The following NAALADL2 variants were observed in gnomAD, a reference collection of about 807,000 sequenced individuals.
NAALADL2 encodes inactive N-acetylated-alpha-linked acidic dipeptidase-like protein 2.
In NAALADL2, 76 loss-of-function variants were observed where a neutral mutation model predicts 87.2. The ratio of observed to expected loss-of-function variants is 0.87; its 90% CI spans 0.72 to 1.05. The LOEUF is 1.05. Ranked by LOEUF, NAALADL2 falls within the 50% of genes least tolerant of loss-of-function variation. NAALADL2 has a pLI of 0.00. For synonymous variants in NAALADL2, 354 were observed against 331.0 expected (o/e 1.07, Z -0.75); for missense variants, 1,089 against 945.8 (o/e 1.15, Z -1.99).
intron 2 of NAALADL2, among the ~76,000 whole-genome samples, chr3:174,570,311 A>G (rs543074052): frequency 6.6e-6 from 1 of 152,162 alleles, no homozygotes; most frequent in South Asian, 2.1e-4. Flanking sequence ...AAATTTAAAC[A>G]TATATTTTCT....
intron 9 of NAALADL2, among the ~76,000 whole-genome samples, chr3:175,513,415 G>A (rs927183756): frequency 1.3e-5 from 2 of 152,242 alleles, no homozygotes; most frequent in African/African-American, 4.8e-5. Flanking sequence ...CTGCAGAGCA[G>A]CATAAAAGAA....
chr3:175,283,671 C>A lies in NAALADL2; in HGVS notation c.939+27141C>A, dbSNP rs184999308. Among the ~76,000 whole-genome samples, 7 of 152,182 alleles carry A rather than the reference C, an allele frequency of 4.6e-5. No homozygotes were observed. The East Asian group carries it at 9.6e-4, about 21-fold the overall frequency. Reference sequence around the variant, plus strand: ...TACAACAAAGCAGAAATAACAGTAGCTTTTCTTATGTGCTCAAGGGATGAG... The same window carrying A: ...TACAACAAAGCAGAAATAACAGTAGATTTTCTTATGTGCTCAAGGGATGAG... On this transcript the variant is annotated intron_variant, in intron 4 of 13. Coordinates refer to ENST00000454872, the MANE Select transcript of NAALADL2 (RefSeq NM_207015.3).
intron 10 of NAALADL2, among the ~76,000 whole-genome samples, chr3:175,590,802 A>T (rs1721334490): frequency 6.6e-6 from 1 of 152,206 alleles, no homozygotes; most frequent in Non-Finnish European, 1.5e-5. Flanking sequence ...TACAATGAAA[A>T]CAATTGGAGT....
intron 5 of NAALADL2, among the ~76,000 whole-genome samples, chr3:175,372,527 C>T (rs532495787): frequency 2.0e-5 from 3 of 152,276 alleles, no homozygotes; most frequent in Admixed American, 2.0e-4. Flanking sequence ...CTGATAAAGG[C>T]TGAAGCTATA....
intron 5 of NAALADL2, among the ~76,000 whole-genome samples, chr3:175,382,131 T>C (rs1344735264): frequency 6.6e-6 from 1 of 152,170 alleles, no homozygotes; most frequent in East Asian, 1.9e-4. Context: ...TTTTTTCACC[T>C]TCCAGGATAA....
At chr3:174,522,958 GAAAA>G (rs1268616563) in intron 1 of NAALADL2, among the ~76,000 whole-genome samples, 1 of 111,448 alleles carries the variant, frequency 9.0e-6, no homozygotes, top group Non-Finnish European at 1.9e-5. Context: ...AAAAAAAAAA[GAAAA>G]AAAACAACAA....
chr3:175,788,233 C>T (rs899489632), intron 13 of NAALADL2, among the ~76,000 whole-genome samples: 2 of 151,680 alleles, frequency 1.3e-5, no homozygotes, highest in African/African-American at 4.8e-5. Context: ...GCTGGGACTA[C>T]AGGTGTGTGC....
chr3:175,490,235 A>T (rs1406968012), intron 9 of NAALADL2, among the ~76,000 whole-genome samples: 2 of 151,366 alleles, frequency 1.3e-5, no homozygotes, highest in Non-Finnish European at 2.9e-5. Flanking sequence ...AGAGACAGAG[A>T]GGTATTAAGT....
intron 4 of NAALADL2, among the ~76,000 whole-genome samples, chr3:175,268,784 A>T (rs999788647): frequency 1.3e-5 from 2 of 152,114 alleles, no homozygotes; most frequent in South Asian, 4.1e-4. Flanking sequence ...CAGGGTCTGG[A>T]TCAGTATCAC....
chr3:174,698,084 C>T (rs181426406), intron 2 of NAALADL2, among the ~76,000 whole-genome samples: 7 of 151,630 alleles, frequency 4.6e-5, no homozygotes, highest in Admixed American at 2.0e-4. Flanking sequence ...AGCAAGACTC[C>T]GTCTCAAAAA....
At chr3:174,684,500 A>G (rs893972148) in intron 2 of NAALADL2, among the ~76,000 whole-genome samples, 4 of 152,146 alleles carry the variant, frequency 2.6e-5, no homozygotes, top group African/African-American at 7.2e-5. Flanking sequence ...CAGAAGGAAT[A>G]TAATTGACTT....
chr3:175,606,572 T>G (rs544795007), intron 10 of NAALADL2, among the ~76,000 whole-genome samples: 5 of 152,268 alleles, frequency 3.3e-5, no homozygotes, highest in African/African-American at 1.2e-4. Flanking sequence ...TCCTTACAGC[T>G]GAAACCACTA....
intron 1 of NAALADL2, among the ~76,000 whole-genome samples, chr3:174,441,223 G>A (rs1714583372): frequency 1.3e-5 from 2 of 151,984 alleles, no homozygotes; most frequent in Admixed American, 6.5e-5. Context: ...GGGGCCGAGG[G>A]GCGCCCGGCC....
intron 1 of NAALADL2, among the ~76,000 whole-genome samples, chr3:174,935,611 G>A (rs1363107196): frequency 6.6e-6 from 1 of 152,086 alleles, no homozygotes; most frequent in Admixed American, 6.6e-5. Context: ...CACTAAGCTT[G>A]TGACTTAAAA....
chr3:174,605,981 G>C (rs1373300083), intron 2 of NAALADL2, among the ~76,000 whole-genome samples: 2 of 152,280 alleles, frequency 1.3e-5, no homozygotes, highest in East Asian at 3.9e-4. Flanking sequence ...ACTTCCAGAG[G>C]AACGATCAGA....
intron 11 of NAALADL2, among the ~76,000 whole-genome samples, chr3:175,697,547 G>T (rs998314658): frequency 3.5e-4 from 53 of 151,484 alleles, no homozygotes; most frequent in African/African-American, 1.1e-3. Context: ...TGTTACTTTT[G>T]ATTTTAGATG....
intron 2 of NAALADL2, among the ~76,000 whole-genome samples, chr3:175,105,828 A>G (rs908402987): frequency 6.6e-6 from 1 of 151,984 alleles, no homozygotes; most frequent in Non-Finnish European, 1.5e-5. Flanking sequence ...GTCACTCTAT[A>G]GTTTTTAATG....
intron 5 of NAALADL2, among the ~76,000 whole-genome samples, chr3:175,400,944 A>C (rs982620677): frequency 2.6e-5 from 4 of 152,164 alleles, no homozygotes; most frequent in Non-Finnish European, 5.9e-5. Context: ...AGGTATGTAC[A>C]GTTTTATTAA....
chr3:174,751,846 G>A (rs769450544), intron 3 of NAALADL2, among the ~76,000 whole-genome samples: 2 of 137,556 alleles, frequency 1.5e-5, no homozygotes, highest in African/African-American at 2.9e-5. Flanking sequence ...TGACTTTAGA[G>A]ATTATGTATG....
Sources: gnomAD v4.1 joint callset for allele counts (sites outside exome capture counted in the v4.1 genomes callset) on GRCh38, gnomAD v4.1.1 for gene constraint, MANE v1.5 for transcripts, NCBI Gene and HGNC (gene_info 2026-07-23, HGNC 2026-07-21) for gene names.